The following MACROD2 variants were observed in gnomAD, a reference collection of about 807,000 sequenced individuals.
The protein encoded by MACROD2 is ADP-ribose glycohydrolase MACROD2.
MACROD2 carries 36 observed loss-of-function variants against 70.4 expected under a neutral mutation model. The observed-to-expected ratio is 0.51, with a 90% CI of 0.39 to 0.68. The LOEUF (loss-of-function observed/expected upper bound fraction) is 0.68, where lower values mean the gene tolerates loss of function less well. MACROD2 is among the 30% of genes least tolerant of loss of function. The probability of loss-of-function intolerance (pLI) is 0.00; values close to 1 mark genes in which losing one functional copy is unlikely to be tolerated. For synonymous variants in MACROD2, 172 were observed against 178.8 expected (o/e 0.96, Z 0.30); for missense variants, 496 against 538.4 (o/e 0.92, Z 0.78).
At chr20:14,528,290 CT>C (rs71335971) in intron 4 of MACROD2, among the ~76,000 whole-genome samples, 24,845 of 136,526 alleles carry the variant, frequency 0.18, 2,336 homozygotes, top group Non-Finnish European at 0.22. Flanking sequence ...TGTGTTGTTG[CT>C]TTTTTTTTTT....
chr20:14,020,917 G>T (rs1204568007), intron 2 of MACROD2, among the ~76,000 whole-genome samples: 1 of 151,610 alleles, frequency 6.6e-6, no homozygotes, highest in East Asian at 1.9e-4. Context: ...TATTTTCTGA[G>T]CATGAATCTT....
intron 3 of MACROD2, among the ~76,000 whole-genome samples, chr20:14,092,912 A>G (rs1298170578): frequency 6.6e-6 from 1 of 152,116 alleles, no homozygotes. Context: ...AAGCATTGAG[A>G]TTTTCCATTA....
chr20:16,038,529 G>GT, intron 15 of MACROD2, among the ~76,000 whole-genome samples: 2 of 126,438 alleles, frequency 1.6e-5, no homozygotes, highest in African/African-American at 5.9e-5. Context: ...TTGTTTTTGT[G>GT]GGGTTTTTTT....
chr20:15,441,483 T>A (rs2146375425), intron 7 of MACROD2, among the ~76,000 whole-genome samples: 1 of 152,276 alleles, frequency 6.6e-6, no homozygotes, highest in South Asian at 2.1e-4. Flanking sequence ...GAAACCAGTG[T>A]CAGTCTTCCT....
chr20:15,863,729 C>G (rs936568966), intron 9 of MACROD2, among the ~76,000 whole-genome samples: 38 of 152,158 alleles, frequency 2.5e-4, no homozygotes, highest in African/African-American at 8.7e-4. Context: ...GGTGCTGATG[C>G]ATATTCATCC....
At chr20:15,434,066 C>G (rs2046397264) in intron 7 of MACROD2, among the ~76,000 whole-genome samples, 1 of 151,916 alleles carries the variant, frequency 6.6e-6, no homozygotes, top group African/African-American at 2.4e-5. Context: ...AGACTTAAAT[C>G]TAAGACCTGA....
intron 3 of MACROD2, among the ~76,000 whole-genome samples, chr20:14,337,950 G>A (rs897006225): frequency 6.6e-6 from 1 of 152,134 alleles, no homozygotes. Flanking sequence ...GACAGGCTTT[G>A]TCTTATTTTT....
intron 13 of MACROD2, among the ~76,000 whole-genome samples, chr20:15,983,529 C>T (rs1368905821): frequency 6.6e-6 from 1 of 152,130 alleles, no homozygotes; most frequent in Non-Finnish European, 1.5e-5. Context: ...AAGTCTCCTC[C>T]TTGCTGTGAG....
intron 12 of MACROD2, among the ~76,000 whole-genome samples, chr20:15,959,855 T>TAA (rs11475715): frequency 1.3e-5 from 2 of 150,696 alleles, no homozygotes; most frequent in African/African-American, 2.4e-5. Flanking sequence ...GTACTATTTG[T>TAA]AAAAAAAAAC....
intron 5 of MACROD2, among the ~76,000 whole-genome samples, chr20:14,850,755 G>A (rs1410064942): frequency 1.3e-5 from 2 of 152,124 alleles, no homozygotes; most frequent in East Asian, 3.8e-4. Flanking sequence ...AGACAGAGAT[G>A]TCTTATTAGT....
chr20:15,797,528 A>G (rs972596648), intron 8 of MACROD2, among the ~76,000 whole-genome samples: 18 of 152,018 alleles, frequency 1.2e-4, no homozygotes, highest in Admixed American at 1.1e-3. Context: ...TCGGATGGTC[A>G]TTTTTTATCA....
chr20:14,192,549 C>T (rs766690305), intron 3 of MACROD2, among the ~76,000 whole-genome samples: 1 of 152,126 alleles, frequency 6.6e-6, no homozygotes, highest in Non-Finnish European at 1.5e-5. Context: ...GATGCCAGGA[C>T]AGATCTAGTT....
chr20:14,419,623 T>A (rs1245430361), intron 3 of MACROD2, among the ~76,000 whole-genome samples: 2 of 152,190 alleles, frequency 1.3e-5, no homozygotes, highest in Non-Finnish European at 2.9e-5. Flanking sequence ...TTTAAAAATG[T>A]ACTTCTATTT....
At chr20:15,557,921 G>A (rs184176125) in intron 8 of MACROD2, among the ~76,000 whole-genome samples, 3 of 152,134 alleles carry the variant, frequency 2.0e-5, no homozygotes, top group East Asian at 1.9e-4. Context: ...TCATAAAGAC[G>A]ACCACTCAGA....
chr20:15,908,818 C>T (rs984995615), intron 10 of MACROD2, among the ~76,000 whole-genome samples: 1 of 152,154 alleles, frequency 6.6e-6, no homozygotes, highest in African/African-American at 2.4e-5. Flanking sequence ...CATCTTATAC[C>T]CTTGCATGCT....
chr20:15,326,369 T>A (rs2077929175), intron 6 of MACROD2, among the ~76,000 whole-genome samples: 1 of 152,086 alleles, frequency 6.6e-6, no homozygotes, highest in Non-Finnish European at 1.5e-5. Context: ...TCTAAAATAA[T>A]ACTAAAGCAT....
At chr20:14,472,070 T>A (rs2084537361) in intron 3 of MACROD2, among the ~76,000 whole-genome samples, 1 of 152,202 alleles carries the variant, frequency 6.6e-6, no homozygotes, top group South Asian at 2.1e-4. Flanking sequence ...TAATTAGCAT[T>A]CAGGGGAGTT....
chr20:14,011,085 T>C (rs1349822027), intron 2 of MACROD2, among the ~76,000 whole-genome samples: 4 of 152,202 alleles, frequency 2.6e-5, no homozygotes, highest in African/African-American at 7.2e-5. Flanking sequence ...CCCCCTGATA[T>C]AGAAGCTGAA....
intron 4 of MACROD2, among the ~76,000 whole-genome samples, chr20:14,603,904 T>G (rs1276993295): frequency 1.3e-5 from 2 of 152,102 alleles, no homozygotes; most frequent in African/African-American, 2.4e-5. Context: ...TTTAGTTCAG[T>G]AAGATCTAAT....
Sources: gnomAD v4.1 joint callset for allele counts (sites outside exome capture counted in the v4.1 genomes callset) on GRCh38, gnomAD v4.1.1 for gene constraint, MANE v1.5 for transcripts, NCBI Gene and HGNC (gene_info 2026-07-23, HGNC 2026-07-21) for gene names.